The following TTN variants were observed in gnomAD, a reference collection of about 807,000 sequenced individuals.
TTN encodes connectin.
A neutral mutation model predicts 3,223.0 loss-of-function variants in TTN; 1,525 were observed. That is an observed-to-expected ratio of 0.47 (90% CI 0.45 to 0.49). The LOEUF is 0.49. Ranked by LOEUF, TTN falls within the 20% of genes least tolerant of loss-of-function variation. The probability of loss-of-function intolerance (pLI) is 0.00; values close to 1 mark genes in which losing one functional copy is unlikely to be tolerated. For missense variants in TTN, 40,786 were observed against 43,424.0 expected (o/e 0.94, Z 5.40); for synonymous variants, 14,094 against 15,161.0 (o/e 0.93, Z 5.17).
Position 178,713,189 on chromosome 2 carries a change from G to T in TTN, c.26945C>A (p.Ala8982Asp), listed in dbSNP as rs1171558626. Residue 8982 changes from alanine to aspartate, a missense_variant, in exon 93 of 363, where the codon GCT (alanine) becomes GAT (aspartate). By Grantham distance (126) the Ala-to-Asp change is moderately radical. Transcript: ENST00000589042. Reference protein sequence around the residue: ...YQTTLTDNTCALTVNMLEESD... With the variant: ...YQTTLTDNTCDLTVNMLEESD... The stretch of plus-strand genomic sequence containing the variant: ...TTCTTCCAGCATGTTCACAGTTAAA[G>T]CACAAGTATTATCTGTCAGGGTGGT... The T allele has an allele frequency of 6.2e-7, 1 of 1,613,690 alleles. No individual in the cohort carries two copies. The highest frequency in any genetic ancestry group is 1.1e-5 in the South Asian group (1 of 91,068).
intron 97 of TTN, 69 bp from the exon 98 acceptor site, chr2:178,710,991 A>G: frequency 6.5e-7 from 1 of 1,549,826 alleles, no homozygotes; most frequent in Admixed American, 2.0e-5. Context: ...CTGAAATAGA[A>G]ATTTCTCCCT....
Position 178,566,931 on chromosome 2 carries a change from C to T in TTN, c.79201G>A (p.Asp26401Asn). The T allele has an allele frequency of 6.2e-7, 1 of 1,613,638 alleles. No individual in the cohort carries two copies. Among genetic ancestry groups the T allele is most frequent in the Non-Finnish European group, 8.5e-7 (1 of 1,179,676 alleles). Residue 26401 changes from aspartate (D) to asparagine (N), a missense_variant, in exon 326 of 363, where the codon GAC (aspartate) becomes AAC (asparagine). Coordinates refer to ENST00000589042, the MANE Select transcript of TTN (RefSeq NM_001267550.2). ...CGGTTCCAACAGACGGTCATGGAGT[C>T]TTTGGCAATATTTGTGACTTCCAAG... is the stretch of plus-strand genomic sequence containing the variant. ...KSLEVTNIAK[D>N]SMTVCWNRPD...
intron 106 of TTN, among the ~76,000 whole-genome samples, chr2:178,703,267 A>G (rs747706735): frequency 6.6e-6 from 1 of 152,210 alleles, no homozygotes; most frequent in South Asian, 2.1e-4. Flanking sequence ...TCTTATATGT[A>G]TAACAGTACC....
rs61233923 is a variant in TTN at position 178,747,148 on chromosome 2, A to G, written c.11312-5227T>C. The G allele has an allele frequency of 4.5e-3, 7,146 of 1,574,636 alleles. 421 individuals carry two copies. The African/African-American group carries it at 0.1, about 22-fold the overall frequency. ...CCAGAGTCTCTCCTGGGGGTGTGGA[A>G]TATCTCTCTAGAGTCTCTCCTGGGG... On this transcript the variant is annotated intron_variant, in intron 47 of 362. Transcript: ENST00000589042.
chr2:178,595,738 AC>A lies in TTN; in HGVS notation c.57615del (p.Trp19205CysfsTer30). 6.2e-7 allele frequency: 1 copy of A among 1,609,404 alleles called. No individual in the cohort carries two copies. Among genetic ancestry groups the A allele is most frequent in the Non-Finnish European group, 8.5e-7 (1 of 1,178,028 alleles). On this transcript the variant is annotated frameshift_variant, in exon 295 of 363. Coordinates refer to ENST00000589042, the MANE Select transcript of TTN (RefSeq NM_001267550.2). LOFTEE classifies it high-confidence loss of function. ...NLTNESCKLT[W>X]FSPEDDGGSP... is the part of the protein sequence containing the mutation. Reference sequence around the variant, plus strand: ...GAGCCTCCATCATCTTCTGGAGAAAACCATGTCAGTTTGCAGGACTCATTGG... The same window carrying A: ...GAGCCTCCATCATCTTCTGGAGAAAACATGTCAGTTTGCAGGACTCATTGG...
At position 178,563,962 on chromosome 2, in the gene TTN, T is replaced by C. The variant is rs1213577835; in HGVS notation, c.82170A>G (p.Ala27390=). ...CACCATCTTGCAAAGGTGGGTTCCA[T>C]GCCAGGTAACATTTTTCCGCAGTAA... ...TGVTAEKCYL[A]WNPPLQDGGA... The change falls in exon 326 of 363, where the codon GCA becomes GCG. Residue 27390 remains alanine (A), a synonymous_variant. Transcript: ENST00000589042. The surrounding 1 kb of genome is among the most constrained non-coding windows in gnomAD (Gnocchi z 4.5). The C allele has an allele frequency of 1.9e-6, 3 of 1,613,710 alleles. No homozygotes were observed. The highest frequency in any genetic ancestry group is 2.5e-6 in the Non-Finnish European group (3 of 1,179,710).
rs1267255162 is a variant in TTN, at chr2:178,571,100, C to T, written c.75032G>A (p.Gly25011Glu). ...TGTGACAATGATTGCCTCTGGCCGT[C>T]CTGGTGGATCACATGGGTCACGAGC... ...YVARDPCDPP[G>E]RPEAIIVTRN... is the part of the protein sequence containing the mutation. Residue 25011 changes from glycine (G) to glutamate (E), a missense_variant, in exon 326 of 363, where the codon GGA becomes GAA. Transcript: ENST00000589042. The T allele has an allele frequency of 1.2e-6, 2 of 1,613,506 alleles. No individual in the cohort carries two copies.
In TTN at chr2:178,757,792, C is replaced by T; in HGVS notation, c.10428G>A (p.Val3476=). 1 of 1,613,284 alleles carries T rather than the reference C, an allele frequency of 6.2e-7. No homozygotes were observed. The highest frequency in any genetic ancestry group is 8.5e-7 in the Non-Finnish European group (1 of 1,179,428). ...SFIQPLSSLR[V]HNGETVRFHA... ...GAAATCTGACTGTCTCCCCGTTGTG[C>T]ACCCTGAGGCTTGACAGAGGCTGGA... Residue 3476 remains valine, a synonymous_variant, in exon 45 of 363, where the codon GTG becomes GTA. Transcript: ENST00000589042.
rs375309278 is a variant in TTN, at chr2:178,605,705, T to C, written c.53590A>G (p.Thr17864Ala). ...GTGTATGTGAGCCTCTCTGGAGATG[T>C]TGGAGGACCTTTAGCCAGAGGCAAG... ...ILAVDPLGPPTSPERLTYTER... is the reference protein window; with the variant it reads ...ILAVDPLGPPASPERLTYTER... Residue 17864 changes from threonine to alanine, a missense_variant, in exon 279 of 363, where the codon ACA becomes GCA. Thr to Ala is a moderately conservative substitution (Grantham distance 58). Transcript: ENST00000589042. The C allele has an allele frequency of 2.0e-5, 30 of 1,528,218 alleles. No individual in the cohort carries two copies. In the African/African-American group the frequency reaches 3.0e-4, roughly 15 times the overall value. The allele number at this position is 1,528,218 out of a possible 1,614,324, so 94.7% of individuals were successfully genotyped here.
In TTN at chr2:178,553,740, C is replaced by T. The variant is rs1179247052; in HGVS notation, c.89265G>A (p.Trp29755Ter). The change falls in exon 334 of 363, where the codon TGG (tryptophan) becomes TGA (stop). Residue 29755 changes from tryptophan (W) to a stop codon, truncating the protein, a stop_gained. Coordinates refer to ENST00000589042, the MANE Select transcript of TTN (RefSeq NM_001267550.2). LOFTEE classifies it high-confidence loss of function. ...TGCCCCCATCATAGACAGGCTTACTCCAGCCAAGGGTGATGGATGACTTGG... is the reference window on the plus strand; with the variant it reads ...TGCCCCCATCATAGACAGGCTTACTTCAGCCAAGGGTGATGGATGACTTGG... Reference protein sequence around the residue: ...DSTKSSITLGWSKPVYDGGSA... With the variant: ...DSTKSSITLG The T allele has an allele frequency of 3.1e-6, 5 of 1,613,168 alleles. No homozygotes were observed. The highest frequency in any genetic ancestry group is 3.4e-6 in the Non-Finnish European group (4 of 1,179,540).
In TTN at chr2:178,739,876, C is replaced by T; in HGVS notation, c.13357G>A (p.Glu4453Lys). 1 of 1,613,896 alleles carries T rather than the reference C, an allele frequency of 6.2e-7. No individual in the cohort carries two copies. ...TCTTCAATAATGATGGTTACTTCTTCTGTTACAGACTTTGCCGAAGTAACA... is the reference window on the plus strand; with the variant it reads ...TCTTCAATAATGATGGTTACTTCTTTTGTTACAGACTTTGCCGAAGTAACA... ...YLVTSAKSVT[E>K]EVTIIIEDVD... Residue 4453 changes from glutamate to lysine, a missense_variant, in exon 48 of 363, where the codon GAA (glutamate) becomes AAA (lysine). By Grantham distance (56) the Glu-to-Lys change is moderately conservative (BLOSUM62 1). Coordinates refer to ENST00000589042, the MANE Select transcript of TTN (RefSeq NM_001267550.2).
Position 178,727,668 on chromosome 2 carries a change from T to A in TTN, c.19910A>T (p.Asp6637Val). 6.2e-7 allele frequency: 1 copy of A among 1,613,056 alleles called. No individual in the cohort carries two copies. Among genetic ancestry groups the A allele is most frequent in the Non-Finnish European group, 8.5e-7 (1 of 1,179,338 alleles). ...STSFLNLYSV[D>V]ASKTGQYTCH... ...AGTATACTGTCCAGTCTTAGAAGCATCCACTGAGTAGAGATTTAAGAAGCT... is the reference window on the plus strand; with the variant it reads ...AGTATACTGTCCAGTCTTAGAAGCAACCACTGAGTAGAGATTTAAGAAGCT... Residue 6637 changes from aspartate (D) to valine (V), a missense_variant, in exon 68 of 363, where the codon GAT becomes GTT. Physicochemically the swap from Asp to Val is radical, Grantham distance 152. Transcript: ENST00000589042.
intron 344 of TTN, among the ~76,000 whole-genome samples, chr2:178,545,119 T>G (rs1696452692): frequency 1.3e-5 from 2 of 152,208 alleles, no homozygotes; most frequent in Non-Finnish European, 2.9e-5. Context: ...TAAGGAAAAT[T>G]TATAAAATAG....
Position 178,652,347 on chromosome 2 carries a change from A to G in TTN, c.39128T>C (p.Val13043Ala), listed in dbSNP as rs765004657. The G allele has an allele frequency of 6.8e-6, 11 of 1,613,558 alleles. No homozygotes were observed. Among genetic ancestry groups the G allele is most frequent in the South Asian group, 4.4e-5 (4 of 91,072 alleles). Residue 13043 changes from valine to alanine, a missense_variant and splice_region_variant, in exon 203 of 363, where the codon GTG (valine) becomes GCG (alanine). Physicochemically the swap from Val to Ala is moderately conservative, Grantham distance 64. Transcript: ENST00000589042. ...AACAACTTCTTTGGGAGCCTCAGGCACTTGAAAGATAATAGTGAAATTACA... is the reference window on the plus strand; with the variant it reads ...AACAACTTCTTTGGGAGCCTCAGGCGCTTGAAAGATAATAGTGAAATTACA... ...PKKPEVTPVK[V>A]PEAPKEVVPE...
In TTN at chr2:178,568,460, G is replaced by A. The variant is rs766099071; in HGVS notation, c.77672C>T (p.Pro25891Leu). The change falls in exon 326 of 363, where the codon CCT becomes CTT. Residue 25891 changes from proline to leucine, a missense_variant. Coordinates refer to ENST00000589042, the MANE Select transcript of TTN (RefSeq NM_001267550.2). ...ASIEIVTLDK[P>L]DPPKGPVKFD... ...TTTAACAGGTCCTTTTGGAGGATCA[G>A]GTTTATCTAGAGTTACAATTTCGAT... The A allele has an allele frequency of 1.3e-5, 21 of 1,613,316 alleles. No homozygotes were observed. Among genetic ancestry groups the A allele is most frequent in the Non-Finnish European group, 1.8e-5 (21 of 1,179,566 alleles).
chr2:178,777,061 TG>T lies in TTN; in HGVS notation c.4815-13del. ...TGGTTCCTTCAATTCTATAAAAAGT[TG>T]GGGGAGGGAATAATCAATATAGTGG... On this transcript the variant is annotated splice_polypyrimidine_tract_variant and intron_variant, in intron 27 of 362. Transcript: ENST00000589042. 1 of 1,613,968 alleles carries T rather than the reference TG, an allele frequency of 6.2e-7. No homozygotes were observed. The highest frequency in any genetic ancestry group is 2.2e-5 in the East Asian group (1 of 44,858).
At chr2:178,783,890 T>G (rs1485346224) in intron 16 of TTN, 105 bp from the exon 17 acceptor site, 1 of 1,041,254 alleles carries the variant, frequency 9.6e-7, no homozygotes, top group African/African-American at 1.7e-5. Flanking sequence ...ATAAAAATAA[T>G]TATAAAAATA....
intron 126 of TTN, 117 bp downstream of exon 126, chr2:178,688,560 A>T: frequency 1.3e-6 from 1 of 755,246 alleles, no homozygotes; most frequent in Non-Finnish European, 2.3e-6. Flanking sequence ...TAATACCAAC[A>T]TAAGGAGAAA....
chr2:178,802,127 C>T lies in TTN; in HGVS notation c.295+11G>A. 2 of 1,613,936 alleles carry T rather than the reference C, an allele frequency of 1.2e-6. No individual in the cohort carries two copies. Among genetic ancestry groups the T allele is most frequent in the Non-Finnish European group, 1.7e-6 (2 of 1,179,986 alleles). On this transcript the variant is annotated intron_variant, in intron 3 of 362. Transcript: ENST00000589042. ...GGGGAGCAGAGGATTGGCAGGTCCCCAGCAGCCTACCTTTCACGAGAAGCT... is the reference window on the plus strand; with the variant it reads ...GGGGAGCAGAGGATTGGCAGGTCCCTAGCAGCCTACCTTTCACGAGAAGCT...
Sources: gnomAD v4.1 joint callset for allele counts (sites outside exome capture counted in the v4.1 genomes callset) on GRCh38, gnomAD v4.1.1 for gene constraint, Gnocchi (gnomAD v3.1) non-coding constraint, MANE v1.5 for transcripts, NCBI Gene and HGNC (gene_info 2026-07-23, HGNC 2026-07-21) for gene names.